Variants in ENOX1 observed in about 807,000 individuals in gnomAD.
The protein encoded by ENOX1 is ecto-NOX disulfide-thiol exchanger 1, also known as candidate growth-related and time keeping constitutive hydroquinone (NADH) oxidase.
A neutral mutation model predicts 82.5 loss-of-function variants in ENOX1; 42 were observed. That is an observed-to-expected ratio of 0.51 (90% CI 0.40 to 0.66). ENOX1 has a LOEUF of 0.66. ENOX1 is among the 30% of genes least tolerant of loss of function. The pLI is 0.00. For synonymous variants in ENOX1, 271 were observed against 282.2 expected (o/e 0.96, Z 0.40); for missense variants, 608 against 811.6 (o/e 0.75, Z 3.05).
intron 2 of ENOX1, among the ~76,000 whole-genome samples, chr13:43,643,181 T>G (rs2083732159): frequency 6.6e-6 from 1 of 152,224 alleles, no homozygotes; most frequent in Non-Finnish European, 1.5e-5. Context: ...GGGGTTAGAT[T>G]CAGAAACTTC....
intron 1 of ENOX1, among the ~76,000 whole-genome samples, chr13:43,758,791 C>T (rs577959247): frequency 7.6e-4 from 116 of 152,152 alleles, no homozygotes; most frequent in Middle Eastern, 3.4e-3. Flanking sequence ...TTAAATTAGA[C>T]GATTAAATGA....
At chr13:43,711,151 G>T (rs1467628669) in intron 1 of ENOX1, among the ~76,000 whole-genome samples, 6 of 141,228 alleles carry the variant, frequency 4.2e-5, no homozygotes, top group African/African-American at 8.0e-5. Flanking sequence ...TTCCCACCTA[G>T]GAGTGAGAAC....
intron 12 of ENOX1, among the ~76,000 whole-genome samples, chr13:43,287,892 G>C (rs575410857): frequency 2.5e-4 from 38 of 152,244 alleles, no homozygotes; most frequent in African/African-American, 9.1e-4. Context: ...TTCTATTTCT[G>C]GTTCCAAATG....
chr13:43,634,035 T>C (rs915886177), intron 2 of ENOX1, among the ~76,000 whole-genome samples: 7 of 152,190 alleles, frequency 4.6e-5, no homozygotes, highest in African/African-American at 1.7e-4. Flanking sequence ...ATCACCACTT[T>C]GTGTGTCTGT....
Position 43,470,374 on chromosome 13 carries a change from ATACATATATATACGTATATATATGTG to A in ENOX1, c.-75+13609_-75+13634del, listed in dbSNP as rs1566308078. ...TATATGTATATATATACGTATATAT[ATACATATATATACGTATATATATGTG>A]TATATATATATATATATAACAGAGA... On this transcript the variant is annotated intron_variant, in intron 3 of 16. Coordinates refer to ENST00000690772, the MANE Select transcript of ENOX1 (RefSeq NM_001347969.2). 3.3e-3 allele frequency among the ~76,000 whole-genome samples: 112 copies of A among 33,634 alleles called. 3 individuals are homozygous for A. The highest frequency in any genetic ancestry group is 7.6e-3 in the African/African-American group (98 of 12,910). 22.1% of individuals were successfully genotyped at this position (33,634 alleles called of 152,430 possible).
At chr13:43,434,903 TC>T (rs1341365363) in intron 3 of ENOX1, among the ~76,000 whole-genome samples, 2 of 151,204 alleles carry the variant, frequency 1.3e-5, no homozygotes, top group African/African-American at 4.9e-5. Flanking sequence ...GTTCTACGTG[TC>T]CTTTTAACGT....
At chr13:43,377,389 G>A (rs1341471407) in intron 5 of ENOX1, among the ~76,000 whole-genome samples, 1 of 152,188 alleles carries the variant, frequency 6.6e-6, no homozygotes, top group African/African-American at 2.4e-5. Context: ...CTAGAACCAT[G>A]AGCCAAATAA....
At chr13:43,429,467 C>T (rs2055530862) in intron 3 of ENOX1, among the ~76,000 whole-genome samples, 1 of 152,076 alleles carries the variant, frequency 6.6e-6, no homozygotes, top group Admixed American at 6.6e-5. Flanking sequence ...TGTTGATACA[C>T]ATGACAGCAG....
intron 1 of ENOX1, among the ~76,000 whole-genome samples, chr13:43,716,700 A>T (rs112778496): frequency 6.6e-6 from 1 of 152,152 alleles, no homozygotes; most frequent in Non-Finnish European, 1.5e-5. Context: ...ATATAAAGTC[A>T]ATGTACAAAA....
At chr13:43,778,564 AG>A (rs1170364960) in intron 1 of ENOX1, among the ~76,000 whole-genome samples, 1 of 149,576 alleles carries the variant, frequency 6.7e-6, no homozygotes, top group Non-Finnish European at 1.5e-5. Context: ...GCCAAGAGCA[AG>A]GGGGGAAAAA....
chr13:43,408,676 T>C (rs1383238099), intron 5 of ENOX1, among the ~76,000 whole-genome samples: 1 of 152,144 alleles, frequency 6.6e-6, no homozygotes, highest in East Asian at 1.9e-4. Context: ...GCATCAGATA[T>C]GTCATGTAAA....
chr13:43,541,914 TC>T (rs1284023472), intron 2 of ENOX1, among the ~76,000 whole-genome samples: 2 of 152,166 alleles, frequency 1.3e-5, no homozygotes, highest in Admixed American at 6.5e-5. Context: ...TGAACATTTT[TC>T]TTCTTTTTCT....
At chr13:43,297,679 A>G (rs1293437802) in intron 12 of ENOX1, among the ~76,000 whole-genome samples, 3 of 151,802 alleles carry the variant, frequency 2.0e-5, no homozygotes. Context: ...CCTTTTCCCT[A>G]CTCCAAAGCC....
chr13:43,576,621 C>A (rs548061556), intron 2 of ENOX1, among the ~76,000 whole-genome samples: 1 of 152,132 alleles, frequency 6.6e-6, no homozygotes, highest in South Asian at 2.1e-4. Context: ...TTGATTTTAG[C>A]CCATGAGACC....
In ENOX1 at chr13:43,605,370, G is replaced by A. The variant is rs186148849; in HGVS notation, c.-219+62109C>T. Among the ~76,000 whole-genome samples the A allele has an allele frequency of 3.1e-3, 469 of 152,084 alleles. 1 individual carries two copies. The highest frequency in any genetic ancestry group is 0.014 in the Middle Eastern group (4 of 294). On this transcript the variant is annotated intron_variant, in intron 2 of 16. Transcript: ENST00000690772. ...TAGCCAAAGCTATACCAAGCAAAAA[G>A]AACAAAAGTAAAAGAATCACATTAT...
intron 2 of ENOX1, among the ~76,000 whole-genome samples, chr13:43,666,141 A>T (rs1451194533): frequency 6.6e-6 from 1 of 152,096 alleles, no homozygotes; most frequent in Non-Finnish European, 1.5e-5. Flanking sequence ...ACAGGAACAC[A>T]GTGTAAGCAT....
At chr13:43,334,274 C>T (rs1179296194) in intron 9 of ENOX1, among the ~76,000 whole-genome samples, 4 of 152,314 alleles carry the variant, frequency 2.6e-5, no homozygotes, top group African/African-American at 9.6e-5. Flanking sequence ...CGAATATTTA[C>T]TTGTCCAAGG....
intron 2 of ENOX1, among the ~76,000 whole-genome samples, chr13:43,493,999 G>A (rs111507453): frequency 0.013 from 1,972 of 152,230 alleles, 45 homozygotes; most frequent in African/African-American, 0.045. Flanking sequence ...AAAATAAATG[G>A]AGGAACTACC....
At chr13:43,531,935 G>A (rs1451630579) in intron 2 of ENOX1, among the ~76,000 whole-genome samples, 1 of 133,334 alleles carries the variant, frequency 7.5e-6, no homozygotes, top group Non-Finnish European at 1.6e-5. Flanking sequence ...GGGGTGAGGG[G>A]AGGGGGGAGG....
Sources: gnomAD v4.1 joint callset for allele counts (sites outside exome capture counted in the v4.1 genomes callset) on GRCh38, gnomAD v4.1.1 for gene constraint, MANE v1.5 for transcripts, NCBI Gene and HGNC (gene_info 2026-07-23, HGNC 2026-07-21) for gene names.